CCSER1: variants seen among roughly 807,000 people sequenced by gnomAD.
The protein encoded by CCSER1 is coiled-coil serine rich protein 1.
CCSER1 carries 41 observed loss-of-function variants against 82.0 expected under a neutral mutation model. The observed-to-expected ratio is 0.50, with a 90% CI of 0.39 to 0.65. The LOEUF (loss-of-function observed/expected upper bound fraction) is 0.65, where lower values mean the gene tolerates loss of function less well. Among genes scored for constraint, CCSER1 ranks in the 30% least tolerant of loss-of-function variants. The pLI is 0.00. For missense variants in CCSER1, 1,119 were observed against 1,064.2 expected, an observed-to-expected ratio of 1.05 and a Z score of -0.72; for synonymous variants, 414 against 383.9, an observed-to-expected ratio of 1.08 and a Z score of -0.92.
chr4:91,405,210 A>T (rs1752619269), intron 10 of CCSER1, among the ~76,000 whole-genome samples: 2 of 137,832 alleles, frequency 1.5e-5, no homozygotes, highest in Non-Finnish European at 3.1e-5. Flanking sequence ...AGAGACTAGG[A>T]TTGCAACCCC....
Position 90,977,006 on chromosome 4 carries a change from A to G in CCSER1, c.2172+53559A>G, listed in dbSNP as rs893614658. ...TGAGACACAGCTGTGCTTAATAAAA[A>G]TATAAATAGAAAAAATTGAGTGAAG... is the stretch of plus-strand genomic sequence containing the variant. On this transcript the variant is annotated intron_variant, in intron 9 of 10. Transcript: ENST00000509176. Among the ~76,000 whole-genome samples, 3 of 151,648 alleles carry G rather than the reference A, an allele frequency of 2.0e-5. No homozygotes were observed. The Admixed American group carries it at 2.0e-4, about 10-fold the overall frequency.
intron 10 of CCSER1, among the ~76,000 whole-genome samples, chr4:91,136,923 C>T (rs1380611049): frequency 6.6e-6 from 1 of 151,940 alleles, no homozygotes; most frequent in Non-Finnish European, 1.5e-5. Context: ...AAAATTTAAA[C>T]TTGGTAGCTT....
At chr4:90,272,917 C>T (rs570802559) in intron 1 of CCSER1, among the ~76,000 whole-genome samples, 27 of 152,200 alleles carry the variant, frequency 1.8e-4, no homozygotes, top group African/African-American at 6.3e-4. Flanking sequence ...GCAGGAGAAT[C>T]GCTTGAACCC....
chr4:91,365,120 C>T (rs1330405943), intron 10 of CCSER1, among the ~76,000 whole-genome samples: 1 of 152,092 alleles, frequency 6.6e-6, no homozygotes, highest in Non-Finnish European at 1.5e-5. Context: ...AATAAACAGT[C>T]TTTAAAAGAT....
intron 10 of CCSER1, among the ~76,000 whole-genome samples, chr4:91,377,083 C>A (rs918215271): frequency 6.6e-6 from 1 of 152,108 alleles, no homozygotes; most frequent in Non-Finnish European, 1.5e-5. Context: ...ATGAACTCAT[C>A]ATTTTTTATG....
At chr4:90,278,225 G>T (rs1728192730) in intron 1 of CCSER1, among the ~76,000 whole-genome samples, 1 of 152,028 alleles carries the variant, frequency 6.6e-6, no homozygotes, top group Admixed American at 6.6e-5. Context: ...ATACACTATT[G>T]GTGGGAATGC....
intron 5 of CCSER1, among the ~76,000 whole-genome samples, chr4:90,483,419 T>C (rs1766424833): frequency 6.6e-6 from 1 of 152,226 alleles, no homozygotes; most frequent in Admixed American, 6.5e-5. Context: ...GTCATTATGA[T>C]GTTACCTGAT....
intron 8 of CCSER1, among the ~76,000 whole-genome samples, chr4:90,859,992 G>A (rs1580811115): frequency 6.6e-6 from 1 of 151,636 alleles, no homozygotes. Context: ...CTAGATTTGA[G>A]GTATGAAAAT....
intron 6 of CCSER1, among the ~76,000 whole-genome samples, chr4:90,638,184 G>A (rs185768459): frequency 6.6e-6 from 1 of 152,214 alleles, no homozygotes; most frequent in Non-Finnish European, 1.5e-5. Flanking sequence ...GTACTCTGCA[G>A]CACCACATTT....
chr4:91,369,311 A>G (rs1355254840), intron 10 of CCSER1, among the ~76,000 whole-genome samples: 4 of 152,214 alleles, frequency 2.6e-5, no homozygotes. Flanking sequence ...GATCCAGCAG[A>G]TGACTTCCGT....
chr4:90,879,467 T>TATA (rs1176659891), intron 8 of CCSER1, among the ~76,000 whole-genome samples: 1 of 140,798 alleles, frequency 7.1e-6, no homozygotes, highest in Non-Finnish European at 1.5e-5. Flanking sequence ...GAACTTGAAG[T>TATA]ATAATAATAA....
chr4:91,160,068 C>T (rs905229686), intron 10 of CCSER1, among the ~76,000 whole-genome samples: 1 of 148,562 alleles, frequency 6.7e-6, no homozygotes, highest in African/African-American at 2.4e-5. Context: ...CATGACAGGC[C>T]CCCATGTGTG....
chr4:91,604,690 A>G lies in CCSER1; in HGVS notation c.*5633A>G, dbSNP rs1764906139. Reference sequence around the variant, plus strand: ...GTATTGCCTTATACATACTTAAAAAACAAGATATTTACAAAAATATTTTAG... The same window carrying G: ...GTATTGCCTTATACATACTTAAAAAGCAAGATATTTACAAAAATATTTTAG... On this transcript the variant is annotated 3_prime_UTR_variant, in exon 11 of 11. Coordinates refer to ENST00000509176, the MANE Select transcript of CCSER1 (RefSeq NM_001145065.2). 1 of 152,078 alleles carries G rather than the reference A, an allele frequency of 6.6e-6. No homozygotes were observed. Among genetic ancestry groups the G allele is most frequent in the Non-Finnish European group, 1.5e-5 (1 of 67,934 alleles). The allele number at this position is 152,078 out of a possible 1,614,324, so 9.4% of individuals were successfully genotyped here. A position where few individuals can be genotyped will look rare whatever the true frequency, so the allele number is the denominator to read the frequency against.
chr4:90,308,259 T>G lies in CCSER1; in HGVS notation c.-26T>G. The G allele has an allele frequency of 6.6e-7, 1 of 1,506,542 alleles. No individual in the cohort carries two copies. The highest frequency in any genetic ancestry group is 8.9e-7 in the Non-Finnish European group (1 of 1,128,908). The allele number at this position is 1,506,542 out of a possible 1,614,324, so 93.3% of individuals were successfully genotyped here. On this transcript the variant is annotated 5_prime_UTR_variant, in exon 2 of 11. Coordinates refer to ENST00000509176, the MANE Select transcript of CCSER1 (RefSeq NM_001145065.2). ...CCTTTCTCAGGCTGCAAAGTTGGCT[T>G]TCACAGTGCAAGCCTTTGATTCCCA...
chr4:91,318,644 T>C lies in CCSER1; in HGVS notation c.2217+232650T>C, dbSNP rs570434766. 1.6e-4 allele frequency among the ~76,000 whole-genome samples: 24 copies of C among 152,188 alleles called. No homozygotes were observed. In the East Asian group the frequency reaches 4.6e-3, roughly 29 times the overall value. ...TATGGCAGCTCAGTAGCTAATTTTC[T>C]TTCTTAAAATTGTAAATGCTACTTT... On this transcript the variant is annotated intron_variant, in intron 10 of 10. Coordinates refer to ENST00000509176, the MANE Select transcript of CCSER1 (RefSeq NM_001145065.2).
intron 1 of CCSER1, among the ~76,000 whole-genome samples, chr4:90,187,860 C>T (rs186273234): frequency 2.1e-3 from 323 of 151,776 alleles, no homozygotes; most frequent in Non-Finnish European, 3.7e-3. Context: ...GAGTTAATTT[C>T]GTCCTTTCTT....
chr4:91,153,966 C>G (rs1487643563), intron 10 of CCSER1, among the ~76,000 whole-genome samples: 1 of 151,986 alleles, frequency 6.6e-6, no homozygotes, highest in Non-Finnish European at 1.5e-5. Flanking sequence ...CAGGGACCCA[C>G]TTGAGGAGGC....
intron 10 of CCSER1, among the ~76,000 whole-genome samples, chr4:91,276,342 G>T (rs1742443707): frequency 1.6e-5 from 2 of 126,442 alleles, no homozygotes. Flanking sequence ...GAATTTTGTA[G>T]TTTTCCTTGA....
chr4:90,894,539 C>T (rs1203578128), intron 8 of CCSER1, among the ~76,000 whole-genome samples: 2 of 152,008 alleles, frequency 1.3e-5, no homozygotes, highest in Non-Finnish European at 2.9e-5. Flanking sequence ...GAAACATTGA[C>T]TATATAGTCT....
Sources: allele counts gnomAD v4.1 joint callset (sites outside exome capture counted in the v4.1 genomes callset), GRCh38; gene constraint gnomAD v4.1.1; transcripts MANE v1.5; gene names NCBI Gene and HGNC (gene_info 2026-07-23, HGNC 2026-07-21).